MAP4K4: variants seen among roughly 807,000 people sequenced by gnomAD.
The protein encoded by MAP4K4 is mitogen-activated protein kinase kinase kinase kinase 4.
In MAP4K4, 38 loss-of-function variants were observed where a neutral mutation model predicts 189.6. The observed-to-expected ratio is 0.20, with a 90% CI of 0.15 to 0.26. The LOEUF (loss-of-function observed/expected upper bound fraction) is 0.26, where lower values mean the gene tolerates loss of function less well. MAP4K4 is among the 10% of genes least tolerant of loss of function. MAP4K4 has a pLI of 1.00. For missense variants in MAP4K4, 1,054 were observed against 1,726.9 expected (o/e 0.61, Z 6.91); for synonymous variants, 610 against 624.3 (o/e 0.98, Z 0.34).
chr2:101,730,815 AG>A (rs2058113601), intron 2 of MAP4K4, among the ~76,000 whole-genome samples: 1 of 152,078 alleles, frequency 6.6e-6, no homozygotes, highest in African/African-American at 2.4e-5. Flanking sequence ...TGGGAGGCCG[AG>A]GCAGGCGGAT....
intron 2 of MAP4K4, among the ~76,000 whole-genome samples, chr2:101,718,755 C>G (rs942182526): frequency 1.3e-5 from 2 of 152,134 alleles, no homozygotes; most frequent in African/African-American, 4.8e-5. Flanking sequence ...CTAATGTGCA[C>G]TCAGTCATCT....
intron 24 of MAP4K4, among the ~76,000 whole-genome samples, chr2:101,871,957 A>T (rs1333406146): frequency 1.3e-5 from 2 of 152,200 alleles, no homozygotes; most frequent in Non-Finnish European, 2.9e-5. Context: ...TTTATTTTTT[A>T]AAAATCTAAA....
intron 2 of MAP4K4, among the ~76,000 whole-genome samples, chr2:101,742,443 T>C (rs1281327410): frequency 6.6e-6 from 1 of 152,180 alleles, no homozygotes; most frequent in Non-Finnish European, 1.5e-5. Context: ...CCACGCTGCC[T>C]GTGTGCCCGC....
intron 3 of MAP4K4, among the ~76,000 whole-genome samples, chr2:101,791,097 T>C (rs575596724): frequency 1.6e-4 from 24 of 152,266 alleles, no homozygotes; most frequent in African/African-American, 5.8e-4. Flanking sequence ...AAAGGGATCA[T>C]GGAGGTCACA....
At chr2:101,842,879 C>G (rs2096963198) in intron 11 of MAP4K4, among the ~76,000 whole-genome samples, 198 bp downstream of exon 11, 1 of 152,222 alleles carries the variant, frequency 6.6e-6, no homozygotes, top group South Asian at 2.1e-4. Context: ...CCCAGTGATT[C>G]TTTACCAAGG....
chr2:101,842,169 C>T (rs1259544898), intron 10 of MAP4K4, among the ~76,000 whole-genome samples: 1 of 152,146 alleles, frequency 6.6e-6, no homozygotes, highest in Non-Finnish European at 1.5e-5. Flanking sequence ...CTGCACTCTC[C>T]GTGGATCCCT....
exon 33 of MAP4K4, chr2:101,892,855 C>T (rs565214097): frequency 3.1e-5 from 14 of 456,002 alleles, no homozygotes; most frequent in Admixed American, 4.7e-5. Flanking sequence ...AGGATATTAC[C>T]GTCTCAGGAA....
At chr2:101,840,046 T>C in intron 10 of MAP4K4, 52 bp downstream of exon 10, 1 of 1,525,332 alleles carries the variant, frequency 6.6e-7, no homozygotes. Context: ...GTTTAGTTTC[T>C]TGCCAACTAG....
chr2:101,838,705 A>T (rs1045720380), intron 9 of MAP4K4, among the ~76,000 whole-genome samples: 10 of 152,250 alleles, frequency 6.6e-5, no homozygotes, highest in African/African-American at 2.4e-4. Flanking sequence ...AGAACCTGAC[A>T]TAAACAAATG....
intron 2 of MAP4K4, among the ~76,000 whole-genome samples, chr2:101,741,327 C>T (rs1212921288): frequency 6.6e-6 from 1 of 152,024 alleles, no homozygotes; most frequent in Non-Finnish European, 1.5e-5. Flanking sequence ...GCCACCATGC[C>T]TGGCTAATTT....
chr2:101,849,146 A>G (rs1276292813), intron 12 of MAP4K4, among the ~76,000 whole-genome samples: 1 of 152,148 alleles, frequency 6.6e-6, no homozygotes, highest in Non-Finnish European at 1.5e-5. Flanking sequence ...TTTTGGAGAC[A>G]GGGTTTTGCT....
chr2:101,877,905 A>G (rs751223989), intron 27 of MAP4K4, among the ~76,000 whole-genome samples: 1 of 152,062 alleles, frequency 6.6e-6, no homozygotes, highest in Non-Finnish European at 1.5e-5. Context: ...ACTTCCCACC[A>G]TGCCCGGCTG....
intron 30 of MAP4K4, 158 bp downstream of exon 30, chr2:101,887,395 C>A: frequency 1.4e-6 from 1 of 700,526 alleles, no homozygotes; most frequent in Non-Finnish European, 2.2e-6. Flanking sequence ...TAGCTCCATG[C>A]TCTTAGACAA....
exon 4 of MAP4K4, chr2:101,823,961 A>G (rs2096227789): frequency 1.2e-6 from 2 of 1,607,420 alleles, no homozygotes; most frequent in African/African-American, 1.3e-5. Flanking sequence ...GGAGATAAAT[A>G]TGCTAAAGAA....
At chr2:101,701,764 A>G (rs2149148929) in intron 2 of MAP4K4, among the ~76,000 whole-genome samples, 1 of 152,372 alleles carries the variant, frequency 6.6e-6, no homozygotes, top group Non-Finnish European at 1.5e-5. Context: ...AGAGTACCAT[A>G]TATTTATAAG....
intron 2 of MAP4K4, among the ~76,000 whole-genome samples, chr2:101,715,858 C>T (rs1302825537): frequency 1.3e-5 from 2 of 152,184 alleles, no homozygotes; most frequent in African/African-American, 4.8e-5. Context: ...GTATTTATAG[C>T]CGCTCCCCAT....
intron 26 of MAP4K4, among the ~76,000 whole-genome samples, chr2:101,876,535 G>A (rs2098212216): frequency 6.6e-6 from 1 of 152,204 alleles, no homozygotes; most frequent in South Asian, 2.1e-4. Context: ...AAGCTGTTAA[G>A]GATTTGAGGG....
At chr2:101,799,577 G>A (rs1380346455) in intron 3 of MAP4K4, among the ~76,000 whole-genome samples, 1 of 150,842 alleles carries the variant, frequency 6.6e-6, no homozygotes, top group Non-Finnish European at 1.5e-5. Context: ...CTGTATATGT[G>A]TGTGGGTTTT....
At chr2:101,794,338 A>G (rs768115461) in intron 3 of MAP4K4, among the ~76,000 whole-genome samples, 32 of 152,226 alleles carry the variant, frequency 2.1e-4, no homozygotes, top group Non-Finnish European at 3.1e-4. Flanking sequence ...AAGCAAGGCA[A>G]ATGATTGCTT....
Sources: gnomAD v4.1 joint callset for allele counts (sites outside exome capture counted in the v4.1 genomes callset) on GRCh38, gnomAD v4.1.1 for gene constraint, MANE v1.5 for transcripts, NCBI Gene and HGNC (gene_info 2026-07-23, HGNC 2026-07-21) for gene names.